The following HIVEP1 variants were observed in gnomAD, a reference collection of about 807,000 sequenced individuals.
HIVEP1 encodes the protein HIVEP zinc finger 1.
HIVEP1 carries 36 observed loss-of-function variants against 180.0 expected under a neutral mutation model. The ratio of observed to expected loss-of-function variants is 0.20; its 90% CI spans 0.15 to 0.26. The LOEUF (loss-of-function observed/expected upper bound fraction) is 0.26, where lower values mean the gene tolerates loss of function less well. Among genes scored for constraint, HIVEP1 ranks in the 10% least tolerant of loss-of-function variants. The pLI is 1.00. For synonymous variants in HIVEP1, 1,239 were observed against 1,239.0 expected, an observed-to-expected ratio of 1.00 and a Z score of 0.00; for missense variants, 3,143 against 3,268.7, an observed-to-expected ratio of 0.96 and a Z score of 0.94.
At chr6:12,020,890 C>CTTTCTTT (rs536583043) in intron 2 of HIVEP1, among the ~76,000 whole-genome samples, 2,812 of 105,772 alleles carry the variant, frequency 0.027, 126 homozygotes, top group Admixed American at 0.07. Flanking sequence ...TTCTTTCTTT[C>CTTTCTTT]TTTTTTTTTT....
intron 7 of HIVEP1, among the ~76,000 whole-genome samples, chr6:12,151,715 A>C (rs1295774080): frequency 6.6e-6 from 1 of 152,214 alleles, no homozygotes; most frequent in African/African-American, 2.4e-5. Flanking sequence ...TAGGCTTTGC[A>C]AGCCACCTAT....
At chr6:12,105,853 T>C (rs1215862140) in intron 3 of HIVEP1, among the ~76,000 whole-genome samples, 2 of 152,100 alleles carry the variant, frequency 1.3e-5, no homozygotes, top group African/African-American at 2.4e-5. Context: ...CTTTCTTACA[T>C]TGAATTATTG....
intron 2 of HIVEP1, among the ~76,000 whole-genome samples, chr6:12,041,192 C>T (rs1402443739): frequency 1.1e-4 from 17 of 152,052 alleles, no homozygotes; most frequent in Non-Finnish European, 4.4e-5. Flanking sequence ...GAGGCTGAGG[C>T]AGGCGGATCA....
intron 2 of HIVEP1, among the ~76,000 whole-genome samples, chr6:12,039,729 G>T (rs548698563): frequency 6.6e-6 from 1 of 152,308 alleles, no homozygotes; most frequent in African/African-American, 2.4e-5. Context: ...ATTGGAAGGG[G>T]TGTCAGGTTG....
At chr6:12,196,980 C>A in the HIVEP1 span, among the ~76,000 whole-genome samples, 22,284 of 152,070 alleles carry the variant, frequency 0.15, 2,009 homozygotes, top group Middle Eastern at 0.23. Context: ...TCCTTGCTCT[C>A]AAAAAATGTG....
chr6:12,155,729 T>C (rs920646702), intron 7 of HIVEP1, among the ~76,000 whole-genome samples: 1 of 152,216 alleles, frequency 6.6e-6, no homozygotes, highest in African/African-American at 2.4e-5. Context: ...GTTATCTTTA[T>C]AGTAAAATGA....
the HIVEP1 span, among the ~76,000 whole-genome samples, chr6:12,207,653 C>T: frequency 2.0e-5 from 3 of 151,500 alleles, no homozygotes; most frequent in East Asian, 1.9e-4. Context: ...CCTGTAAATC[C>T]GAGAACTTTG....
chr6:12,008,735 C>G (rs562213712), upstream of HIVEP1: 1 of 152,222 alleles, frequency 6.6e-6, no homozygotes, highest in Admixed American at 6.5e-5. Context: ...ACAGGCAGCC[C>G]GGGGAATGAA....
the HIVEP1 span, among the ~76,000 whole-genome samples, chr6:12,187,537 A>G: frequency 6.6e-6 from 1 of 151,712 alleles, no homozygotes; most frequent in African/African-American, 2.4e-5. Flanking sequence ...CCCTTGCTGG[A>G]TATAGATCCC....
chr6:12,096,148 A>G (rs961853889), intron 3 of HIVEP1, among the ~76,000 whole-genome samples: 1 of 152,054 alleles, frequency 6.6e-6, no homozygotes, highest in Non-Finnish European at 1.5e-5. Context: ...CTTACATTAT[A>G]TACTTCAGCC....
intron 4 of HIVEP1, among the ~76,000 whole-genome samples, chr6:12,127,535 T>G (rs1333684161): frequency 3.3e-5 from 5 of 152,206 alleles, no homozygotes; most frequent in South Asian, 2.1e-4. Context: ...ATATCTAGAT[T>G]TGGAGCTTAG....
chr6:12,139,983 G>A (rs924124962), intron 7 of HIVEP1, among the ~76,000 whole-genome samples: 9 of 152,248 alleles, frequency 5.9e-5, no homozygotes, highest in African/African-American at 2.2e-4. Context: ...GAAGAGAGCA[G>A]TGGTTCTCCC....
chr6:12,123,009 A>G lies in HIVEP1; in HGVS notation c.3214A>G (p.Lys1072Glu). 1 of 1,614,200 alleles carries G rather than the reference A, an allele frequency of 6.2e-7. No individual in the cohort carries two copies. ...TCTGGGCTGTAATCCCAGTTTGCCT[A>G]AACATAATGTTACCATAAGAAGTGA... Reference protein sequence around the residue: ...NALGCNPSLPKHNVTIRSDQQ... With the variant: ...NALGCNPSLPEHNVTIRSDQQ... Residue 1072 changes from lysine (K) to glutamate (E), a missense_variant, in exon 4 of 9, where the codon AAA becomes GAA. Physicochemically the swap from Lys to Glu is moderately conservative, Grantham distance 56. Transcript: ENST00000379388.
At chr6:12,087,417 G>A (rs1176630267) in intron 2 of HIVEP1, among the ~76,000 whole-genome samples, 1 of 151,870 alleles carries the variant, frequency 6.6e-6, no homozygotes, top group Non-Finnish European at 1.5e-5. Context: ...AAACTATTAA[G>A]CACAGTTGTT....
the HIVEP1 span, among the ~76,000 whole-genome samples, chr6:12,194,567 G>A: frequency 6.7e-5 from 10 of 148,484 alleles, no homozygotes; most frequent in East Asian, 3.9e-4. Flanking sequence ...TTGGGAGGCC[G>A]AGGTGGGTGG....
Position 12,144,130 on chromosome 6 carries a change from A to G in HIVEP1, c.6487+8238A>G, listed in dbSNP as rs1041699076. 2.6e-5 allele frequency among the ~76,000 whole-genome samples: 4 copies of G among 152,224 alleles called. No individual in the cohort carries two copies. In the East Asian group the frequency reaches 7.7e-4, roughly 29 times the overall value. ...GCATCATGCTATCTGACTTCAAACT[A>G]TACGACAAGGCTACAGTAACCAAAC... On this transcript the variant is annotated intron_variant, in intron 7 of 8. Coordinates refer to ENST00000379388, the MANE Select transcript of HIVEP1 (RefSeq NM_002114.4).
chr6:12,079,955 T>C (rs953313274), intron 2 of HIVEP1, among the ~76,000 whole-genome samples: 1 of 151,958 alleles, frequency 6.6e-6, no homozygotes, highest in African/African-American at 2.4e-5. Flanking sequence ...TATCTATCTA[T>C]CTATCTATCT....
intron 3 of HIVEP1, among the ~76,000 whole-genome samples, chr6:12,118,616 A>G (rs776692218): frequency 2.4e-4 from 36 of 152,138 alleles, no homozygotes; most frequent in Non-Finnish European, 4.3e-4. Flanking sequence ...CTACCTGCCT[A>G]CCTGCCCTAC....
chr6:12,116,058 C>A (rs940082382), intron 3 of HIVEP1, among the ~76,000 whole-genome samples: 2 of 151,962 alleles, frequency 1.3e-5, no homozygotes, highest in Admixed American at 1.3e-4. Flanking sequence ...TCTCTTCATA[C>A]CAATTTTATT....
Sources: allele counts gnomAD v4.1 joint callset (sites outside exome capture counted in the v4.1 genomes callset), GRCh38; gene constraint gnomAD v4.1.1; transcripts MANE v1.5; gene names NCBI Gene and HGNC (gene_info 2026-07-23, HGNC 2026-07-21).